PPP3R1: variants seen among roughly 807,000 people sequenced by gnomAD.
PPP3R1 encodes protein phosphatase 3 regulatory subunit B, alpha.
Under a neutral mutation model 22.6 loss-of-function variants are expected in PPP3R1, and 5 were observed. That is an observed-to-expected ratio of 0.22 (90% CI 0.12 to 0.46). The LOEUF is 0.46. PPP3R1 is among the 20% of genes least tolerant of loss of function. The pLI is 0.99. For missense variants in PPP3R1, 61 were observed against 203.2 expected, an observed-to-expected ratio of 0.30 and a Z score of 4.25; for synonymous variants, 56 against 65.2, an observed-to-expected ratio of 0.86 and a Z score of 0.68.
Position 68,242,145 on chromosome 2 carries a change from T to C in PPP3R1, c.3+9980A>G, listed in dbSNP as rs144028063. 2.8e-4 allele frequency among the ~76,000 whole-genome samples: 43 copies of C among 152,206 alleles called. No homozygotes were observed. The East Asian group carries it at 8.1e-3, about 29-fold the overall frequency. Reference sequence around the variant, plus strand: ...CTGTGGTGGACTGAAAAACAAGAAATGCACCAGGCGCGGTGGCTCACGCGT... The same window carrying C: ...CTGTGGTGGACTGAAAAACAAGAAACGCACCAGGCGCGGTGGCTCACGCGT... On this transcript the variant is annotated intron_variant, in intron 1 of 5. Transcript: ENST00000234310.
chr2:68,188,215 A>G lies in PPP3R1; in HGVS notation c.220+299T>C, dbSNP rs191738936. On this transcript the variant is annotated intron_variant, in intron 3 of 5. Coordinates refer to ENST00000234310, the MANE Select transcript of PPP3R1 (RefSeq NM_000945.4). ...TAAAAGGAATTGCAGCTTCTAATGT[A>G]TATAAGAATATACAGTATTGCCCTA... 3.3e-5 allele frequency among the ~76,000 whole-genome samples: 5 copies of G among 152,316 alleles called. No homozygotes were observed. The East Asian group carries it at 9.6e-4, about 29-fold the overall frequency.
At chr2:68,187,166 T>G (rs1316239381) in intron 4 of PPP3R1, 89 bp downstream of exon 4, 2 of 1,090,122 alleles carry the variant, frequency 1.8e-6, no homozygotes, top group African/African-American at 3.2e-5. Context: ...ATAAAAGACA[T>G]CTTTTTCATT....
chr2:68,202,194 GT>G (rs1674992684), intron 2 of PPP3R1, among the ~76,000 whole-genome samples: 1 of 152,108 alleles, frequency 6.6e-6, no homozygotes, highest in Non-Finnish European at 1.5e-5. Context: ...GATTCAAGAA[GT>G]TTTATTTTTG....
At chr2:68,200,815 C>T (rs767338057) in intron 2 of PPP3R1, among the ~76,000 whole-genome samples, 1 of 152,146 alleles carries the variant, frequency 6.6e-6, no homozygotes, top group Admixed American at 6.5e-5. Flanking sequence ...TTTACTAAGA[C>T]GTCCTTTCTA....
At chr2:68,245,814 T>G (rs1032551610) in intron 1 of PPP3R1, among the ~76,000 whole-genome samples, 5 of 152,210 alleles carry the variant, frequency 3.3e-5, no homozygotes, top group African/African-American at 1.2e-4. Flanking sequence ...AGTTAAACCA[T>G]TTACAACTTA....
At chr2:68,195,656 G>A (rs552474239) in intron 2 of PPP3R1, among the ~76,000 whole-genome samples, 4 of 151,988 alleles carry the variant, frequency 2.6e-5, no homozygotes, top group Admixed American at 6.6e-5. Flanking sequence ...TTCTTTTCCC[G>A]TCTTTCTTTC....
At chr2:68,205,242 CTTTTT>C (rs397984912) in intron 2 of PPP3R1, among the ~76,000 whole-genome samples, 75 of 123,478 alleles carry the variant, frequency 6.1e-4, no homozygotes, top group Non-Finnish European at 9.3e-4. Context: ...TCAGTATTAT[CTTTTT>C]TTTTTTTTTT....
intron 5 of PPP3R1, among the ~76,000 whole-genome samples, chr2:68,186,200 T>C (rs1310349863): frequency 6.6e-6 from 1 of 152,210 alleles, no homozygotes; most frequent in Non-Finnish European, 1.5e-5. Context: ...GTTGTGCTTC[T>C]GTTCAGAAGC....
intron 1 of PPP3R1, among the ~76,000 whole-genome samples, chr2:68,230,251 C>T (rs770769603): frequency 6.6e-6 from 1 of 152,194 alleles, no homozygotes; most frequent in Admixed American, 6.5e-5. Context: ...CCTCAACCTT[C>T]CAAAGTGCTG....
intron 1 of PPP3R1, among the ~76,000 whole-genome samples, chr2:68,229,926 ATG>A (rs548038517): frequency 6.0e-5 from 9 of 149,190 alleles, no homozygotes; most frequent in Middle Eastern, 3.4e-3. Context: ...GTGTATATAT[ATG>A]TGTGTGTATG....
At chr2:68,194,242 T>C (rs1453807410) in intron 2 of PPP3R1, among the ~76,000 whole-genome samples, 1 of 152,138 alleles carries the variant, frequency 6.6e-6, no homozygotes, top group African/African-American at 2.4e-5. Flanking sequence ...TAATAAGGAA[T>C]TGGTAGATTG....
chr2:68,217,023 C>CAT, intron 2 of PPP3R1, 69 bp downstream of exon 2: 2 of 1,112,186 alleles, frequency 1.8e-6, no homozygotes, highest in Non-Finnish European at 2.6e-6. Context: ...CACACACACA[C>CAT]ACACACACAC....
chr2:68,220,702 G>T (rs1471416644), intron 1 of PPP3R1, among the ~76,000 whole-genome samples: 1 of 152,050 alleles, frequency 6.6e-6, no homozygotes, highest in Non-Finnish European at 1.5e-5. Context: ...AAACATAATA[G>T]GACGCTATAA....
intron 1 of PPP3R1, among the ~76,000 whole-genome samples, chr2:68,236,254 G>A (rs1330131829): frequency 1.2e-4 from 18 of 152,008 alleles, no homozygotes; most frequent in Admixed American, 9.8e-4. Flanking sequence ...GTGAACATGC[G>A]TTTGTAAAGT....
intron 5 of PPP3R1, among the ~76,000 whole-genome samples, chr2:68,183,571 G>C (rs1674466958): frequency 6.6e-6 from 1 of 152,150 alleles, no homozygotes; most frequent in South Asian, 2.1e-4. Context: ...TGGCATTCGG[G>C]TGTTACAACT....
At chr2:68,247,700 G>A (rs1164486863) in intron 1 of PPP3R1, among the ~76,000 whole-genome samples, 3 of 152,158 alleles carry the variant, frequency 2.0e-5, no homozygotes, top group African/African-American at 7.2e-5. Flanking sequence ...ACAAATATTT[G>A]CTGGGTGGAT....
At chr2:68,212,469 T>C (rs893185930) in intron 2 of PPP3R1, among the ~76,000 whole-genome samples, 2 of 152,216 alleles carry the variant, frequency 1.3e-5, no homozygotes, top group African/African-American at 4.8e-5. Flanking sequence ...ATGTCTTTCT[T>C]AAGTAATAAG....
intron 3 of PPP3R1, among the ~76,000 whole-genome samples, chr2:68,188,087 T>C (rs1033704766): frequency 2.0e-5 from 3 of 152,254 alleles, no homozygotes; most frequent in South Asian, 2.1e-4. Context: ...GGAGAATTGC[T>C]TGAACTCAGG....
chr2:68,249,369 TAC>T (rs1670294675), intron 1 of PPP3R1, among the ~76,000 whole-genome samples: 1 of 152,088 alleles, frequency 6.6e-6, no homozygotes, highest in Admixed American at 6.5e-5. Context: ...AAACTCTACA[TAC>T]AGTTATAGAC....
Sources: gnomAD v4.1 joint callset for allele counts (sites outside exome capture counted in the v4.1 genomes callset) on GRCh38, gnomAD v4.1.1 for gene constraint, MANE v1.5 for transcripts, NCBI Gene and HGNC (gene_info 2026-07-23, HGNC 2026-07-21) for gene names.